LMOD3: variants seen among roughly 807,000 people sequenced by gnomAD.
LMOD3 encodes the protein leiomodin-3.
In LMOD3, 31 loss-of-function variants were observed where a neutral mutation model predicts 41.8. That is an observed-to-expected ratio of 0.74 (90% confidence interval 0.56 to 1.00). LMOD3 has a LOEUF of 1.00. Among genes scored for constraint, LMOD3 ranks in the 50% least tolerant of loss-of-function variants. The pLI is 0.00. For missense variants in LMOD3, 755 were observed against 679.5 expected, an observed-to-expected ratio of 1.11 and a Z score of -1.23; for synonymous variants, 292 against 241.9, an observed-to-expected ratio of 1.21 and a Z score of -1.92.
intron 2 of LMOD3, among the ~76,000 whole-genome samples, chr3:69,114,303 T>C (rs2092361776): frequency 6.6e-6 from 1 of 152,214 alleles, no homozygotes; most frequent in South Asian, 2.1e-4. Flanking sequence ...CTTTACCTCA[T>C]GCTTTACCAG....
chr3:69,109,138 T>G lies in LMOD3; in HGVS notation c.1657-17A>C, dbSNP rs750138431. On this transcript the variant is annotated splice_polypyrimidine_tract_variant and intron_variant, in intron 2 of 2. Coordinates refer to ENST00000420581, the MANE Select transcript of LMOD3 (RefSeq NM_198271.5). ...CAGTTGCACCTGCGATTTAAGCATT[T>G]GAGGAAACGGGGGAAATTAATCCTG... The G allele has an allele frequency of 1.9e-6, 3 of 1,599,192 alleles. No individual in the cohort carries two copies. In the African/African-American group the frequency reaches 4.0e-5, roughly 21 times the overall value.
Position 69,109,030 on chromosome 3 carries a change from C to T in LMOD3, c.*65G>A, listed in dbSNP as rs2092336118. On this transcript the variant is annotated 3_prime_UTR_variant, in exon 3 of 3. Coordinates refer to ENST00000420581, the MANE Select transcript of LMOD3 (RefSeq NM_198271.5). ...CCTAAAGTATTGCTGCTGACATAGT[C>T]TCCATGCTGTAATCCAAGAGTCACT... The T allele has an allele frequency of 5.1e-6, 7 of 1,367,682 alleles. 1 individual carries two copies. Among genetic ancestry groups the T allele is most frequent in the South Asian group, 2.5e-5 (2 of 80,130 alleles). 84.7% of individuals were successfully genotyped at this position (1,367,682 alleles called of 1,614,324 possible).
At chr3:69,121,298 C>T (rs2092406351) in intron 1 of LMOD3, among the ~76,000 whole-genome samples, 1 of 152,096 alleles carries the variant, frequency 6.6e-6, no homozygotes, top group Admixed American at 6.6e-5. Context: ...ACTGTAAAAC[C>T]AATTGACAAC....
In LMOD3 at chr3:69,115,811, T is replaced by C. The variant is rs541665407; in HGVS notation, c.1656+2888A>G. ...TACTTTGAGTCTAAGATGTATATTT[T>C]GGGACATTTCAACAGCTCTGAAATC... On this transcript the variant is annotated intron_variant, in intron 2 of 2. Transcript: ENST00000420581. Among the ~76,000 whole-genome samples, 47 of 152,322 alleles carry C rather than the reference T, an allele frequency of 3.1e-4. 1 individual carries two copies. In the South Asian group the frequency reaches 9.7e-3, roughly 32 times the overall value.
chr3:69,108,599 T>A lies in LMOD3; in HGVS notation c.*496A>T, dbSNP rs1050873726. On this transcript the variant is annotated 3_prime_UTR_variant, in exon 3 of 3. Coordinates refer to ENST00000420581, the MANE Select transcript of LMOD3 (RefSeq NM_198271.5). ...GGAACAATCCTTCCATTTCAAAGCA[T>A]CAGAAGGGCCAGGAGCTCAATTCAT... The A allele has an allele frequency of 6.5e-6, 1 of 152,710 alleles. No individual in the cohort carries two copies. The highest frequency in any genetic ancestry group is 2.4e-5 in the African/African-American group (1 of 41,380). 9.5% of individuals were successfully genotyped at this position (152,710 alleles called of 1,614,324 possible). A position where few individuals can be genotyped will look rare whatever the true frequency, so the allele number is the denominator to read the frequency against.
rs932535158 is a variant in LMOD3 at position 69,118,961 on chromosome 3, C to A, written c.1394G>T (p.Arg465Leu). ...CGATGGCTTTTTCATCATTTCACTGCGTTGACTAAAGGGGACATTTTGGGG... is the reference window on the plus strand; with the variant it reads ...CGATGGCTTTTTCATCATTTCACTGAGTTGACTAAAGGGGACATTTTGGGG... ...PNPQNVPFSQ[R>L]SEMMKKPSQA... The change falls in exon 2 of 3, where the codon CGC becomes CTC. Residue 465 changes from arginine (R) to leucine (L), a missense_variant. Physicochemically the swap from Arg to Leu is moderately radical, Grantham distance 102. Transcript: ENST00000420581. 6.2e-7 allele frequency: 1 copy of A among 1,612,776 alleles called. No homozygotes were observed. The highest frequency in any genetic ancestry group is 1.3e-5 in the African/African-American group (1 of 74,526).
intron 1 of LMOD3, among the ~76,000 whole-genome samples, 160 bp from the exon 2 acceptor site, chr3:69,120,220 T>A (rs948164194): frequency 6.8e-6 from 1 of 146,322 alleles, no homozygotes; most frequent in Non-Finnish European, 1.5e-5. Flanking sequence ...GGGTGGTTAT[T>A]CTATCCCATA....
chr3:69,114,906 C>T (rs2092364571), intron 2 of LMOD3, among the ~76,000 whole-genome samples: 1 of 152,202 alleles, frequency 6.6e-6, no homozygotes, highest in Non-Finnish European at 1.5e-5. Context: ...CACTCTGTTG[C>T]CCAGGCTGTA....
intron 2 of LMOD3, among the ~76,000 whole-genome samples, chr3:69,114,211 G>A (rs1397638720): frequency 6.6e-6 from 1 of 152,126 alleles, no homozygotes; most frequent in Admixed American, 6.6e-5. Flanking sequence ...GATGTTCCAA[G>A]TGGTGCTAGA....
In LMOD3 at chr3:69,117,340, A is replaced by T. The variant is rs77577995; in HGVS notation, c.1656+1359T>A. Among the ~76,000 whole-genome samples, 1,232 of 152,372 alleles carry T rather than the reference A, an allele frequency of 8.1e-3. 6 individuals are homozygous for T. Among genetic ancestry groups the T allele is most frequent in the Middle Eastern group, 0.044 (13 of 294 alleles). On this transcript the variant is annotated intron_variant, in intron 2 of 2. Coordinates refer to ENST00000420581, the MANE Select transcript of LMOD3 (RefSeq NM_198271.5). ...GAAAGACTAGCAATTATTTCAGAAT[A>T]TCAAGCTCTTTAAAGCAGAAAAAGA... is the stretch of plus-strand genomic sequence containing the variant.
intron 2 of LMOD3, among the ~76,000 whole-genome samples, chr3:69,110,271 C>G (rs2092342257): frequency 6.6e-6 from 1 of 151,692 alleles, no homozygotes; most frequent in Non-Finnish European, 1.5e-5. Context: ...ACTCTGTCAC[C>G]CAGGCTGGAG....
intron 1 of LMOD3, among the ~76,000 whole-genome samples, chr3:69,121,297 C>A (rs566933766): frequency 6.6e-6 from 1 of 152,150 alleles, no homozygotes; most frequent in African/African-American, 2.4e-5. Context: ...GACTGTAAAA[C>A]CAATTGACAA....
At chr3:69,112,731 G>A (rs1019960825) in intron 2 of LMOD3, among the ~76,000 whole-genome samples, 2 of 152,148 alleles carry the variant, frequency 1.3e-5, no homozygotes, top group Non-Finnish European at 2.9e-5. Flanking sequence ...CCCAGAATAA[G>A]CAGCAGCAGC....
At chr3:69,116,280 T>C (rs1165071164) in intron 2 of LMOD3, among the ~76,000 whole-genome samples, 2 of 152,284 alleles carry the variant, frequency 1.3e-5, no homozygotes, top group South Asian at 4.1e-4. Context: ...CAGGACCGAA[T>C]AGATGAAGTT....
intron 2 of LMOD3, among the ~76,000 whole-genome samples, chr3:69,118,279 G>C (rs1377159951): frequency 1.3e-5 from 2 of 152,108 alleles, no homozygotes; most frequent in Non-Finnish European, 2.9e-5. Flanking sequence ...CTCAGAACCG[G>C]GTTTCAATGT....
Position 69,106,693 on chromosome 3 carries a change from A to ATT in LMOD3, c.*2400_*2401dup, listed in dbSNP as rs373817195. On this transcript the variant is annotated 3_prime_UTR_variant, in exon 3 of 3. Coordinates refer to ENST00000420581, the MANE Select transcript of LMOD3 (RefSeq NM_198271.5). ...AACAAATGCATAGGGGCTTTCTAGA[A>ATT]TTTTTTTTTTTTTTTTGAGATGAGG... 1.3e-3 allele frequency among the ~76,000 whole-genome samples: 185 copies of ATT among 137,706 alleles called. No individual in the cohort carries two copies. The highest frequency in any genetic ancestry group is 3.8e-3 in the African/African-American group (141 of 36,970). The allele number at this position is 137,706 out of a possible 152,430, so 90.3% of individuals were successfully genotyped here.
chr3:69,117,217 C>T (rs984592288), intron 2 of LMOD3, among the ~76,000 whole-genome samples: 1 of 152,146 alleles, frequency 6.6e-6, no homozygotes, highest in Admixed American at 6.5e-5. Flanking sequence ...AGAATCAGAG[C>T]CTCTCTAAAT....
In LMOD3 at chr3:69,119,929, T is replaced by C. The variant is rs111848977; in HGVS notation, c.426A>G (p.Glu142=). The C allele has an allele frequency of 1.3e-3, 2,091 of 1,558,882 alleles. 26 individuals are homozygous for C. In the African/African-American group the frequency reaches 0.024, roughly 18 times the overall value. The change falls in exon 2 of 3, where the codon GAA becomes GAG. Residue 142 remains glutamate, a synonymous_variant. Transcript: ENST00000420581. ...RESKGSSNIQ[E]TDEEDEEEED... ...CTTCTTCTTCATCTTCTTCATCTGTTTCTTGGATATTGCTGCTGCCCTTTG... is the reference window on the plus strand; with the variant it reads ...CTTCTTCTTCATCTTCTTCATCTGTCTCTTGGATATTGCTGCTGCCCTTTG...
intron 2 of LMOD3, among the ~76,000 whole-genome samples, chr3:69,117,377 T>TA (rs2092379553): frequency 6.6e-6 from 1 of 152,188 alleles, no homozygotes; most frequent in African/African-American, 2.4e-5. Flanking sequence ...CAAGCATGCA[T>TA]AAAAATTCAA....
Sources: allele counts gnomAD v4.1 joint callset (sites outside exome capture counted in the v4.1 genomes callset), GRCh38; gene constraint gnomAD v4.1.1; transcripts MANE v1.5; gene names NCBI Gene and HGNC (gene_info 2026-07-23, HGNC 2026-07-21).